PCSK2: variants seen among roughly 807,000 people sequenced by gnomAD.
The protein encoded by PCSK2 is proprotein convertase subtilisin/kexin type 2.
A neutral mutation model predicts 69.7 loss-of-function variants in PCSK2; 14 were observed. The observed-to-expected ratio is 0.20, with a 90% CI of 0.13 to 0.31. PCSK2 has a LOEUF of 0.31. PCSK2 is among the 10% of genes least tolerant of loss of function. PCSK2 has a pLI of 1.00. For missense variants in PCSK2, 544 were observed against 842.5 expected (o/e 0.65, Z 4.39); for synonymous variants, 307 against 320.7 (o/e 0.96, Z 0.46).
At chr20:17,231,592 T>C (rs1320972511) in intron 1 of PCSK2, among the ~76,000 whole-genome samples, 1 of 152,238 alleles carries the variant, frequency 6.6e-6, no homozygotes, top group Non-Finnish European at 1.5e-5. Context: ...AGGATATGCA[T>C]GCATACAGCT....
intron 5 of PCSK2, among the ~76,000 whole-genome samples, chr20:17,396,900 A>G (rs973759050): frequency 1.4e-4 from 21 of 152,200 alleles, no homozygotes; most frequent in African/African-American, 4.8e-4. Flanking sequence ...CCTCTAGGAA[A>G]TGGGAGAAAT....
At chr20:17,345,952 T>A (rs962769028) in intron 2 of PCSK2, among the ~76,000 whole-genome samples, 1 of 152,208 alleles carries the variant, frequency 6.6e-6, no homozygotes, top group Non-Finnish European at 1.5e-5. Context: ...ATGACCTTGA[T>A]GCTATTAGCT....
At position 17,269,176 on chromosome 20, in the gene PCSK2, G is replaced by A. The variant is rs143620410; in HGVS notation, c.282+8832G>A. On this transcript the variant is annotated intron_variant, in intron 2 of 11. Transcript: ENST00000262545. ...ATGAACAGATGGACTTAAGGATCTA[G>A]GAGAGAGGTCAGAGTTGGAGATATA... Among the ~76,000 whole-genome samples, 110 of 152,258 alleles carry A rather than the reference G, an allele frequency of 7.2e-4. 1 individual carries two copies. The highest frequency in any genetic ancestry group is 6.8e-3 in the Middle Eastern group (2 of 294).
At chr20:17,405,292 G>A (rs144924743) in intron 5 of PCSK2, among the ~76,000 whole-genome samples, 1,784 of 152,260 alleles carry the variant, frequency 0.012, 36 homozygotes, top group African/African-American at 0.041. Flanking sequence ...ACCTGCAGAC[G>A]TATTTGTCTA....
At chr20:17,480,686 A>G (rs940635457) in intron 11 of PCSK2, among the ~76,000 whole-genome samples, 1 of 152,188 alleles carries the variant, frequency 6.6e-6, no homozygotes, top group Non-Finnish European at 1.5e-5. Flanking sequence ...GGAATTGGAG[A>G]TGTAAAATAA....
chr20:17,390,566 G>A (rs563288126), intron 5 of PCSK2, among the ~76,000 whole-genome samples: 3 of 152,196 alleles, frequency 2.0e-5, no homozygotes, highest in Admixed American at 6.5e-5. Flanking sequence ...CACCTCCCTA[G>A]GTTGTCTCAG....
At chr20:17,243,196 T>C (rs1986647897) in intron 1 of PCSK2, among the ~76,000 whole-genome samples, 2 of 152,130 alleles carry the variant, frequency 1.3e-5, no homozygotes, top group Non-Finnish European at 1.5e-5. Flanking sequence ...TGCTTCTTGT[T>C]TGGGTAATTT....
At chr20:17,253,818 T>A (rs1432921216) in intron 1 of PCSK2, among the ~76,000 whole-genome samples, 1 of 152,202 alleles carries the variant, frequency 6.6e-6, no homozygotes, top group Non-Finnish European at 1.5e-5. Flanking sequence ...CATTTTACTA[T>A]CCCACCAACA....
chr20:17,255,663 G>A (rs945871101), intron 1 of PCSK2, among the ~76,000 whole-genome samples: 1 of 152,046 alleles, frequency 6.6e-6, no homozygotes. Flanking sequence ...TTTTTAAAAC[G>A]TATTTATTAT....
In PCSK2 at chr20:17,434,393, A is replaced by G. The variant is rs6034824; in HGVS notation, c.710-2315A>G. ...TCTTGGCTTGGTGCAGTTGCTTGCA[A>G]AATTAATACTGTATCTCATTCAATT... is the stretch of plus-strand genomic sequence containing the variant. On this transcript the variant is annotated intron_variant, in intron 7 of 11. Coordinates refer to ENST00000262545, the MANE Select transcript of PCSK2 (RefSeq NM_002594.5). Among the ~76,000 whole-genome samples the G allele has an allele frequency of 9.0e-3, 1,363 of 152,166 alleles. 8 individuals are homozygous for G. The highest frequency in any genetic ancestry group is 0.015 in the South Asian group (73 of 4,818).
At chr20:17,437,321 A>T (rs763302495) in intron 8 of PCSK2, among the ~76,000 whole-genome samples, 2 of 152,172 alleles carry the variant, frequency 1.3e-5, no homozygotes, top group African/African-American at 4.8e-5. Flanking sequence ...TATGACCACA[A>T]TGCTCGTGGG....
intron 2 of PCSK2, among the ~76,000 whole-genome samples, chr20:17,302,048 T>C (rs531714836): frequency 6.6e-6 from 1 of 152,090 alleles, no homozygotes. Flanking sequence ...ATGTTTAGGA[T>C]GTAGGCAAGT....
At position 17,277,299 on chromosome 20, in the gene PCSK2, C is replaced by T. The variant is rs372504656; in HGVS notation, c.282+16955C>T. 6.6e-4 allele frequency among the ~76,000 whole-genome samples: 101 copies of T among 152,222 alleles called. No individual in the cohort carries two copies. The East Asian group carries it at 0.015, about 23-fold the overall frequency. ...CAAAAGAACAAAGCTGGAGGCATCA[C>T]GCTACCTGACTTCAAACTATACTAC... is the stretch of plus-strand genomic sequence containing the variant. On this transcript the variant is annotated intron_variant, in intron 2 of 11. Transcript: ENST00000262545.
chr20:17,264,698 T>A (rs1456037674), intron 2 of PCSK2, among the ~76,000 whole-genome samples: 1 of 152,208 alleles, frequency 6.6e-6, no homozygotes, highest in Admixed American at 6.5e-5. Context: ...TTCCTATTCT[T>A]TAAAATCAAC....
chr20:17,303,960 C>T (rs1989244694), intron 2 of PCSK2, among the ~76,000 whole-genome samples: 1 of 148,320 alleles, frequency 6.7e-6, no homozygotes, highest in Admixed American at 6.8e-5. Flanking sequence ...TATATATATA[C>T]ATAATATATA....
chr20:17,343,039 CTT>C (rs1414935204), intron 2 of PCSK2, among the ~76,000 whole-genome samples: 11 of 152,030 alleles, frequency 7.2e-5, no homozygotes, highest in Non-Finnish European at 1.5e-4. Context: ...GTACAGAAAG[CTT>C]AAAAAACTTG....
chr20:17,419,395 T>C (rs935177793), intron 6 of PCSK2, among the ~76,000 whole-genome samples: 1 of 152,180 alleles, frequency 6.6e-6, no homozygotes, highest in Non-Finnish European at 1.5e-5. Flanking sequence ...TCAAAAAGAG[T>C]ATAATTTTCT....
intron 5 of PCSK2, among the ~76,000 whole-genome samples, chr20:17,389,820 A>T (rs187272160): frequency 6.6e-6 from 1 of 152,318 alleles, no homozygotes; most frequent in Admixed American, 6.5e-5. Flanking sequence ...TGCTAGTGCA[A>T]ATGTCAAATG....
intron 2 of PCSK2, among the ~76,000 whole-genome samples, chr20:17,314,609 G>T (rs1989621691): frequency 6.6e-6 from 1 of 152,122 alleles, no homozygotes; most frequent in African/African-American, 2.4e-5. Flanking sequence ...TGTGAAATTG[G>T]GTTTGTTTTT....
Sources: allele counts gnomAD v4.1 joint callset (sites outside exome capture counted in the v4.1 genomes callset), GRCh38; gene constraint gnomAD v4.1.1; transcripts MANE v1.5; gene names NCBI Gene and HGNC (gene_info 2026-07-23, HGNC 2026-07-21).